Variants in ALKAL2 observed in about 807,000 individuals in gnomAD.
ALKAL2 encodes AUG-alpha.
In ALKAL2, 8 loss-of-function variants were observed where a neutral mutation model predicts 18.5. The observed-to-expected ratio is 0.43, with a 90% CI of 0.25 to 0.78. ALKAL2 has a LOEUF of 0.78. ALKAL2 is among the 30% of genes least tolerant of loss of function. ALKAL2 has a pLI of 0.22. For synonymous variants in ALKAL2, 135 were observed against 95.8 expected (o/e 1.41, Z -2.39); for missense variants, 241 against 211.2 (o/e 1.14, Z -0.88).
At chr2:287,987 C>A (rs923881484) in intron 1 of ALKAL2, 26 bp downstream of exon 1, 3 of 1,233,578 alleles carry the variant, frequency 2.4e-6, no homozygotes, top group Non-Finnish European at 1.0e-6. Context: ...CGGGAGGAGC[C>A]GCTGGCGCTG....
chr2:283,996 A>G (rs1049583617), intron 4 of ALKAL2, among the ~76,000 whole-genome samples: 2 of 152,238 alleles, frequency 1.3e-5, no homozygotes, highest in Admixed American at 6.5e-5. Flanking sequence ...TAAATATGGC[A>G]TATATTGTTA....
In ALKAL2 at chr2:287,630, C is replaced by T. The variant is rs781341896; in HGVS notation, c.206G>A (p.Gly69Asp). Residue 69 changes from glycine (G) to aspartate (D), a missense_variant, in exon 2 of 6, where the codon GGC becomes GAC. Transcript: ENST00000403610. The part of the protein sequence containing the change: ...LQLLGRDCAL[G>D]RAEAAGLGPS... ...CCCCAGCCCCGCCGCCTCCGCGCGG[C>T]CCAGGGCGCAGTCCCGCCCGAGGAG... 1.3e-6 allele frequency: 2 copies of T among 1,481,588 alleles called. No individual in the cohort carries two copies. The highest frequency in any genetic ancestry group is 2.9e-5 in the East Asian group (1 of 33,964). 91.8% of individuals were successfully genotyped at this position (1,481,588 alleles called of 1,614,324 possible).
At chr2:281,411 C>T (rs977359132) in intron 5 of ALKAL2, among the ~76,000 whole-genome samples, 17 of 152,170 alleles carry the variant, frequency 1.1e-4, no homozygotes, top group Admixed American at 3.3e-4. Flanking sequence ...ATCTCATCGT[C>T]AGTCAGGCTC....
chr2:287,534 T>C (rs1670559862), intron 2 of ALKAL2, 49 bp downstream of exon 2: 1 of 1,287,858 alleles, frequency 7.8e-7, no homozygotes, highest in South Asian at 1.9e-5. Context: ...TCAAAGACAA[T>C]TCTATTTCCC....
At chr2:282,184 C>T (rs553772809) in intron 5 of ALKAL2, among the ~76,000 whole-genome samples, 4 of 152,334 alleles carry the variant, frequency 2.6e-5, no homozygotes, top group African/African-American at 9.6e-5. Flanking sequence ...TGCACACAAC[C>T]CTTCTGCTGC....
Position 286,330 on chromosome 2 carries a change from T to C in ALKAL2, c.267A>G (p.Arg89=). The C allele has an allele frequency of 1.2e-6, 2 of 1,610,630 alleles. No individual in the cohort carries two copies. The highest frequency in any genetic ancestry group is 1.7e-6 in the Non-Finnish European group (2 of 1,178,222). Residue 89 remains arginine (R), a synonymous_variant, in exon 3 of 6, where the codon CGA becomes CGG. Coordinates refer to ENST00000403610, the MANE Select transcript of ALKAL2 (RefSeq NM_001002919.3). ...SPEQRVEIVP[R]DLRMKDKFLK... ...GAAACTTGTCCTTCATCCTCAGATC[T>C]CGAGGAACAATTTCTGTTTCAGGGA...
intron 4 of ALKAL2, chr2:283,472 G>A (rs971914765): frequency 1.0e-6 from 1 of 985,414 alleles, no homozygotes; most frequent in Non-Finnish European, 1.2e-6. Flanking sequence ...GCTTCTCTCA[G>A]AAATAACTTC....
intron 4 of ALKAL2, 170 bp from the exon 5 acceptor site, chr2:283,345 T>C (rs1326438255): frequency 2.0e-6 from 2 of 985,306 alleles, no homozygotes; most frequent in Non-Finnish European, 2.4e-6. Flanking sequence ...GTTGACTTAA[T>C]AATTTATGGT....
chr2:285,278 C>G (rs146252380), intron 4 of ALKAL2, among the ~76,000 whole-genome samples: 1 of 152,168 alleles, frequency 6.6e-6, no homozygotes, highest in Non-Finnish European at 1.5e-5. Context: ...ACTTATACTT[C>G]GTGTACATTG....
Position 286,183 on chromosome 2 carries a change from T to C in ALKAL2, c.328A>G (p.Lys110Glu), listed in dbSNP as rs781332706. Residue 110 changes from lysine (K) to glutamate (E), a missense_variant, in exon 4 of 6, where the codon AAG (lysine) becomes GAG (glutamate). By Grantham distance (56) the Lys-to-Glu change is moderately conservative. Transcript: ENST00000403610. ...HLTGPLYFSP[K>E]CSKHFHRLYH... is the part of the protein sequence containing the mutation. Reference sequence around the variant, plus strand: ...AGTCTATGGAAGTGTTTGCTGCACTTTGGACTAAAATAAAGAGGGCCTGGA... The same window carrying C: ...AGTCTATGGAAGTGTTTGCTGCACTCTGGACTAAAATAAAGAGGGCCTGGA... The C allele has an allele frequency of 5.6e-6, 9 of 1,613,786 alleles. No homozygotes were observed. The highest frequency in any genetic ancestry group is 5.5e-5 in the South Asian group (5 of 91,080).
intron 5 of ALKAL2, among the ~76,000 whole-genome samples, chr2:282,846 C>T (rs1157751443): frequency 2.6e-5 from 4 of 152,240 alleles, no homozygotes; most frequent in Non-Finnish European, 5.9e-5. Flanking sequence ...CATGCTGACA[C>T]TGGCTGACTT....
At chr2:283,654 G>T in intron 4 of ALKAL2, 1 of 929,812 alleles carries the variant, frequency 1.1e-6, no homozygotes, top group Non-Finnish European at 1.3e-6. Context: ...GATGGCGAGC[G>T]GAAGCAATGT....
chr2:286,289 C>T lies in ALKAL2; in HGVS notation c.307+1G>A, dbSNP rs1450117012. On this transcript the variant is annotated splice_donor_variant, in intron 3 of 5. Transcript: ENST00000403610. LOFTEE classifies it high-confidence loss of function. ...ACGTGAGGAACGAGGAGAAAACTTA[C>T]CTGTAAGGTGTTTTAGAAACTTGTC... is the stretch of plus-strand genomic sequence containing the variant. The T allele has an allele frequency of 6.2e-7, 1 of 1,612,288 alleles. No homozygotes were observed. The highest frequency in any genetic ancestry group is 2.2e-5 in the East Asian group (1 of 44,882).
At chr2:282,961 C>T in intron 5 of ALKAL2, 150 bp downstream of exon 5, 1 of 844,658 alleles carries the variant, frequency 1.2e-6, no homozygotes, top group South Asian at 1.8e-5. Context: ...TGGCTTTCAG[C>T]ACTGTGAGAT....
At chr2:283,435 G>C (rs1223610494) in intron 4 of ALKAL2, 8 of 985,382 alleles carry the variant, frequency 8.1e-6, no homozygotes, top group African/African-American at 1.7e-5. Flanking sequence ...AGACACGAAG[G>C]CTGCATGGCT....
At chr2:280,302 G>A (rs978439505) in intron 5 of ALKAL2, 150 bp from the exon 6 acceptor site, 3 of 834,972 alleles carry the variant, frequency 3.6e-6, no homozygotes, top group Non-Finnish European at 6.0e-6. Context: ...TCCAAAAAGT[G>A]TAGTCTATTG....
chr2:287,871 C>T lies in ALKAL2; in HGVS notation c.-36G>A. The T allele has an allele frequency of 1.6e-6, 2 of 1,269,978 alleles. No homozygotes were observed. The highest frequency in any genetic ancestry group is 2.0e-6 in the Non-Finnish European group (2 of 1,013,564). 78.7% of individuals were successfully genotyped at this position (1,269,978 alleles called of 1,614,324 possible). A position where few individuals can be genotyped will look rare whatever the true frequency, so the allele number is the denominator to read the frequency against. The stretch of plus-strand genomic sequence containing the variant: ...GGGCCGCGGGGCTGGGAGACTCCGA[C>T]ACGCGCCGAGAGCTGGGCTCGCTGC... On this transcript the variant is annotated 5_prime_UTR_variant, in exon 2 of 6. Coordinates refer to ENST00000403610, the MANE Select transcript of ALKAL2 (RefSeq NM_001002919.3).
chr2:283,920 T>C (rs1387472719), intron 4 of ALKAL2, among the ~76,000 whole-genome samples: 1 of 152,222 alleles, frequency 6.6e-6, no homozygotes. Flanking sequence ...ATGGGTAGAT[T>C]GACAATGACA....
At chr2:283,592 A>T (rs534864257) in intron 4 of ALKAL2, 1 of 985,392 alleles carries the variant, frequency 1.0e-6, no homozygotes, top group Admixed American at 6.1e-5. Flanking sequence ...CTGCCTGTAA[A>T]TTCTAAAGAA....
Sources: gnomAD v4.1 joint callset for allele counts (sites outside exome capture counted in the v4.1 genomes callset) on GRCh38, gnomAD v4.1.1 for gene constraint, MANE v1.5 for transcripts, NCBI Gene and HGNC (gene_info 2026-07-23, HGNC 2026-07-21) for gene names.